CCSER1: variants seen among roughly 807,000 people sequenced by gnomAD.
CCSER1 encodes the protein coiled-coil serine rich protein 1.
Under a neutral mutation model 82.0 loss-of-function variants are expected in CCSER1, and 41 were observed. The observed-to-expected ratio is 0.50, with a 90% CI of 0.39 to 0.65. The LOEUF is 0.65. CCSER1 is among the 30% of genes least tolerant of loss of function. The pLI, the probability that CCSER1 is intolerant of heterozygous loss-of-function variation, is 0.00. For missense variants in CCSER1, 1,119 were observed against 1,064.2 expected, an observed-to-expected ratio of 1.05 and a Z score of -0.72; for synonymous variants, 414 against 383.9, an observed-to-expected ratio of 1.08 and a Z score of -0.92.
intron 10 of CCSER1, among the ~76,000 whole-genome samples, chr4:91,528,580 T>C (rs1760881935): frequency 2.0e-5 from 3 of 152,220 alleles, no homozygotes; most frequent in African/African-American, 7.2e-5. Context: ...GGCATACAGA[T>C]ATATATTTTA....
chr4:91,095,761 T>C (rs1051082865), intron 10 of CCSER1, among the ~76,000 whole-genome samples: 11 of 152,154 alleles, frequency 7.2e-5, no homozygotes, highest in Admixed American at 5.9e-4. Context: ...TGAGCCCCTT[T>C]TTTCAGCCCT....
At chr4:90,143,687 T>C (rs542664151) in intron 1 of CCSER1, among the ~76,000 whole-genome samples, 1 of 150,782 alleles carries the variant, frequency 6.6e-6, no homozygotes, top group African/African-American at 2.4e-5. Context: ...ATTCCTACTT[T>C]TTTTTTTTTT....
chr4:91,353,132 C>A (rs1748586565), intron 10 of CCSER1, among the ~76,000 whole-genome samples: 1 of 152,166 alleles, frequency 6.6e-6, no homozygotes. Context: ...GCAGGATAAG[C>A]TGCAGACAAA....
At chr4:91,398,478 G>A (rs772622035) in intron 10 of CCSER1, among the ~76,000 whole-genome samples, 19 of 151,786 alleles carry the variant, frequency 1.3e-4, no homozygotes, top group Non-Finnish European at 2.2e-4. Flanking sequence ...GCATCCACAA[G>A]CAATGGTGAT....
intron 7 of CCSER1, among the ~76,000 whole-genome samples, chr4:90,736,486 T>A (rs12641080): frequency 0.14 from 20,752 of 152,130 alleles, 1,644 homozygotes; most frequent in East Asian, 0.31. Flanking sequence ...CTATATTTTT[T>A]GTCTTGAAAT....
chr4:91,577,006 C>G (rs1763482386), intron 10 of CCSER1, among the ~76,000 whole-genome samples: 1 of 148,028 alleles, frequency 6.8e-6, no homozygotes. Flanking sequence ...CAATTATATA[C>G]TACAGTAAAG....
intron 10 of CCSER1, among the ~76,000 whole-genome samples, chr4:91,393,438 C>T (rs946615549): frequency 1.3e-5 from 2 of 151,738 alleles, no homozygotes; most frequent in African/African-American, 4.8e-5. Context: ...AAGTAAGTGC[C>T]CTTGATGGGA....
intron 8 of CCSER1, among the ~76,000 whole-genome samples, chr4:90,879,701 GGAAGAAA>G (rs1488809575): frequency 2.6e-5 from 4 of 151,558 alleles, no homozygotes; most frequent in South Asian, 2.1e-4. Context: ...AAGAAGAAGA[GGAAGAAA>G]GAAGAAAGAA....
intron 2 of CCSER1, 70 bp from the exon 3 acceptor site, chr4:90,312,793 T>G: frequency 8.3e-7 from 1 of 1,200,398 alleles, no homozygotes; most frequent in East Asian, 2.6e-5. Context: ...TTCATGATCT[T>G]TCAGTGGGAC....
intron 7 of CCSER1, among the ~76,000 whole-genome samples, chr4:90,784,792 G>A (rs551465949): frequency 3.9e-5 from 6 of 152,032 alleles, no homozygotes; most frequent in South Asian, 2.1e-4. Context: ...ACATAAACAT[G>A]GTTGATTAAC....
intron 10 of CCSER1, among the ~76,000 whole-genome samples, chr4:91,382,480 C>G (rs187879873): frequency 6.6e-6 from 1 of 152,172 alleles, no homozygotes; most frequent in Non-Finnish European, 1.5e-5. Flanking sequence ...ATGAGTGAGG[C>G]TCCATGGTCA....
intron 10 of CCSER1, among the ~76,000 whole-genome samples, chr4:91,174,120 T>C (rs1733054835): frequency 6.6e-6 from 1 of 152,182 alleles, no homozygotes; most frequent in African/African-American, 2.4e-5. Context: ...TAAGTACTAT[T>C]GAGAATTCTG....
chr4:91,431,465 C>T (rs1221134869), intron 10 of CCSER1, among the ~76,000 whole-genome samples: 2 of 151,986 alleles, frequency 1.3e-5, no homozygotes, highest in Admixed American at 6.6e-5. Context: ...GCATTTCTTC[C>T]CTTTTTTTTC....
At chr4:91,493,073 G>A (rs1758634285) in intron 10 of CCSER1, among the ~76,000 whole-genome samples, 1 of 151,870 alleles carries the variant, frequency 6.6e-6, no homozygotes. Flanking sequence ...TTGCCCTCAA[G>A]GAGTATAGTT....
At chr4:91,217,231 G>A (rs1022594541) in intron 10 of CCSER1, among the ~76,000 whole-genome samples, 45 of 152,272 alleles carry the variant, frequency 3.0e-4, no homozygotes, top group African/African-American at 9.9e-4. Flanking sequence ...AAAGGGACCC[G>A]AGCGGGTTGC....
intron 5 of CCSER1, among the ~76,000 whole-genome samples, chr4:90,565,493 A>AT (rs1487277110): frequency 6.6e-6 from 1 of 152,040 alleles, no homozygotes; most frequent in East Asian, 1.9e-4. Flanking sequence ...TCCAATTTAG[A>AT]TGATTTTTAT....
At chr4:91,286,384 G>T (rs1743278195) in intron 10 of CCSER1, among the ~76,000 whole-genome samples, 1 of 151,838 alleles carries the variant, frequency 6.6e-6, no homozygotes, top group Non-Finnish European at 1.5e-5. Flanking sequence ...GGTTCACTAA[G>T]TTGGATAATG....
At chr4:91,359,128 G>A (rs1461954124) in intron 10 of CCSER1, among the ~76,000 whole-genome samples, 2 of 151,986 alleles carry the variant, frequency 1.3e-5, no homozygotes, top group South Asian at 2.1e-4. Context: ...TGAAAGGGTC[G>A]TGATTGATTT....
chr4:91,187,961 A>C (rs1351206948), intron 10 of CCSER1, among the ~76,000 whole-genome samples: 1 of 152,128 alleles, frequency 6.6e-6, no homozygotes, highest in Non-Finnish European at 1.5e-5. Flanking sequence ...TTTTTTGTTA[A>C]ATGTTGCTAT....
Sources: gnomAD v4.1 joint callset for allele counts (sites outside exome capture counted in the v4.1 genomes callset) on GRCh38, gnomAD v4.1.1 for gene constraint, MANE v1.5 for transcripts, NCBI Gene and HGNC (gene_info 2026-07-23, HGNC 2026-07-21) for gene names.